The following PARD3 variants were observed in gnomAD, a reference collection of about 807,000 sequenced individuals.
PARD3 encodes the protein par-3 family cell polarity regulator, also known as partitioning defective 3 homolog.
A neutral mutation model predicts 155.4 loss-of-function variants in PARD3; 75 were observed. That is an observed-to-expected ratio of 0.48 (90% CI 0.40 to 0.58). The LOEUF is 0.58. PARD3 is among the 20% of genes least tolerant of loss of function. The probability of loss-of-function intolerance (pLI) is 0.00; values close to 1 mark genes in which losing one functional copy is unlikely to be tolerated. For missense variants in PARD3, 1,642 were observed against 1,721.7 expected, an observed-to-expected ratio of 0.95 and a Z score of 0.82; for synonymous variants, 576 against 610.5, an observed-to-expected ratio of 0.94 and a Z score of 0.83.
At chr10:34,716,793 TGTTGGTCAG>T (rs1349193610) in intron 1 of PARD3, among the ~76,000 whole-genome samples, 1 of 151,910 alleles carries the variant, frequency 6.6e-6, no homozygotes, top group Non-Finnish European at 1.5e-5. Context: ...GGTTTCTCCA[TGTTGGTCAG>T]GTTGGTCTCG....
intron 23 of PARD3, among the ~76,000 whole-genome samples, chr10:34,126,638 C>CA (rs1947305366): frequency 6.6e-6 from 1 of 152,118 alleles, no homozygotes; most frequent in Non-Finnish European, 1.5e-5. Context: ...GCAAAAAGCT[C>CA]ATTTTGTAAA....
At chr10:34,538,101 C>T (rs144790821) in intron 2 of PARD3, among the ~76,000 whole-genome samples, 416 of 152,266 alleles carry the variant, frequency 2.7e-3, no homozygotes, top group African/African-American at 9.3e-3. Context: ...AGCCGAGATC[C>T]GCCACTGCAC....
chr10:34,284,289 G>A, intron 20 of PARD3, 44 bp from the exon 21 acceptor site: 6 of 1,156,496 alleles, frequency 5.2e-6, no homozygotes, highest in Non-Finnish European at 7.7e-6. Flanking sequence ...TATACAAAAT[G>A]AGCTTTCTTT....
At chr10:34,131,885 GT>G (rs1334381222) in intron 22 of PARD3, among the ~76,000 whole-genome samples, 3 of 151,954 alleles carry the variant, frequency 2.0e-5, no homozygotes, top group Non-Finnish European at 4.4e-5. Flanking sequence ...TGGCAGGGAA[GT>G]TTTTTTGGAA....
At chr10:34,448,553 A>T (rs2076882664) in intron 5 of PARD3, among the ~76,000 whole-genome samples, 1 of 152,192 alleles carries the variant, frequency 6.6e-6, no homozygotes, top group African/African-American at 2.4e-5. Flanking sequence ...TAACCATGAC[A>T]CTTTGGGAGG....
At chr10:34,650,749 C>T (rs1300430269) in intron 2 of PARD3, among the ~76,000 whole-genome samples, 2 of 152,108 alleles carry the variant, frequency 1.3e-5, no homozygotes, top group South Asian at 2.1e-4. Context: ...CAGCGGCTCA[C>T]GCCTGTAATC....
chr10:34,613,224 C>A (rs1384597016), intron 2 of PARD3, among the ~76,000 whole-genome samples: 1 of 152,050 alleles, frequency 6.6e-6, no homozygotes, highest in Non-Finnish European at 1.5e-5. Flanking sequence ...GCAAAGTGAA[C>A]AACAAATCAA....
At chr10:34,734,691 T>C (rs2094881658) in intron 1 of PARD3, among the ~76,000 whole-genome samples, 1 of 152,026 alleles carries the variant, frequency 6.6e-6, no homozygotes, top group South Asian at 2.1e-4. Context: ...GGGAAGAAAT[T>C]AGGTCCCTAC....
chr10:34,126,827 A>G (rs1022865417), intron 23 of PARD3, among the ~76,000 whole-genome samples: 3 of 152,008 alleles, frequency 2.0e-5, no homozygotes, highest in Non-Finnish European at 4.4e-5. Flanking sequence ...TGAAAAAAAA[A>G]AAAAAAAGAA....
chr10:34,522,573 T>A (rs185802659), intron 2 of PARD3, among the ~76,000 whole-genome samples: 1 of 152,160 alleles, frequency 6.6e-6, no homozygotes, highest in Non-Finnish European at 1.5e-5. Context: ...TTTGTAAATA[T>A]GAGAATAGTT....
rs1369338406 is a variant in PARD3 at position 34,382,965 on chromosome 10, C to G, written c.1017-43G>C. 1.9e-6 allele frequency: 3 copies of G among 1,599,160 alleles called. No homozygotes were observed. In the African/African-American group the frequency reaches 4.0e-5, roughly 22 times the overall value. ...TAGAAAATTAGCAAATTAAGACTGGCAGACTAGAAGATATTATGAGCTTAA... is the reference window on the plus strand; with the variant it reads ...TAGAAAATTAGCAAATTAAGACTGGGAGACTAGAAGATATTATGAGCTTAA... On this transcript the variant is annotated intron_variant, in intron 8 of 24. Coordinates refer to ENST00000374788, the MANE Select transcript of PARD3 (RefSeq NM_001184785.2).
At chr10:34,473,206 C>T (rs1194492783) in intron 3 of PARD3, among the ~76,000 whole-genome samples, 3 of 152,186 alleles carry the variant, frequency 2.0e-5, no homozygotes, top group Admixed American at 6.5e-5. Flanking sequence ...TTTTTGTTTG[C>T]ATTTCAGCAA....
chr10:34,590,098 C>A (rs1226628104), intron 2 of PARD3, among the ~76,000 whole-genome samples: 1 of 152,126 alleles, frequency 6.6e-6, no homozygotes, highest in Non-Finnish European at 1.5e-5. Context: ...TATGATGACA[C>A]CTTCTATGAA....
intron 23 of PARD3, among the ~76,000 whole-genome samples, chr10:34,128,369 A>G (rs1046853730): frequency 4.6e-5 from 7 of 152,232 alleles, no homozygotes; most frequent in African/African-American, 1.7e-4. Flanking sequence ...AAAGAAAAGG[A>G]AATGTATGTT....
At chr10:34,376,932 A>C (rs552357418) in intron 10 of PARD3, among the ~76,000 whole-genome samples, 335 of 152,328 alleles carry the variant, frequency 2.2e-3, no homozygotes, top group African/African-American at 7.2e-3. Flanking sequence ...GGTTTAAAAC[A>C]TATTTTTCAA....
chr10:34,325,229 C>G (rs375390982), intron 19 of PARD3, among the ~76,000 whole-genome samples: 2 of 152,030 alleles, frequency 1.3e-5, no homozygotes, highest in African/African-American at 2.4e-5. Flanking sequence ...AGGCTGGTCT[C>G]GAACTCCTGA....
chr10:34,153,934 GAA>G (rs1446669703), intron 22 of PARD3, among the ~76,000 whole-genome samples: 1 of 152,056 alleles, frequency 6.6e-6, no homozygotes, highest in Non-Finnish European at 1.5e-5. Flanking sequence ...ATTAACAGAG[GAA>G]AAAACCATTT....
intron 2 of PARD3, among the ~76,000 whole-genome samples, chr10:34,621,026 G>C (rs1053867210): frequency 5.9e-5 from 9 of 152,172 alleles, no homozygotes; most frequent in Non-Finnish European, 1.5e-5. Flanking sequence ...AGTGGGCCAG[G>C]GTGAAAACCC....
At position 34,559,048 on chromosome 10, in the gene PARD3, C is replaced by A. The variant is rs1443256239; in HGVS notation, c.223-41889G>T. On this transcript the variant is annotated intron_variant, in intron 2 of 24. Transcript: ENST00000374788. The stretch of plus-strand genomic sequence containing the variant: ...AGAATTGAAAACTCATTTTTCCCCC[C>A]CACAGAATTAGCCTCTAAGGCCTTT... Among the ~76,000 whole-genome samples the A allele has an allele frequency of 3.3e-5, 5 of 151,928 alleles. No individual in the cohort carries two copies. In the South Asian group the frequency reaches 8.3e-4, roughly 25 times the overall value.
Sources: gnomAD v4.1 joint callset for allele counts (sites outside exome capture counted in the v4.1 genomes callset) on GRCh38, gnomAD v4.1.1 for gene constraint, MANE v1.5 for transcripts, NCBI Gene and HGNC (gene_info 2026-07-23, HGNC 2026-07-21) for gene names.